Variants in CFAP299 observed in about 807,000 individuals in gnomAD.
CFAP299 encodes the protein cilia and flagella associated protein 299.
In CFAP299, 21 loss-of-function variants were observed where a neutral mutation model predicts 27.0. That is an observed-to-expected ratio of 0.78 (90% confidence interval 0.55 to 1.12). CFAP299 has a LOEUF of 1.12. Among genes scored for constraint, CFAP299 ranks in the 50% most tolerant of loss-of-function variants. CFAP299 has a pLI of 0.00. For synonymous variants in CFAP299, 104 were observed against 98.1 expected (o/e 1.06, Z -0.36); for missense variants, 310 against 276.6 (o/e 1.12, Z -0.86).
At chr4:80,324,461 T>C in the CFAP299 span, among the ~76,000 whole-genome samples, 6 of 152,206 alleles carry the variant, frequency 3.9e-5, no homozygotes, top group Non-Finnish European at 8.8e-5. Flanking sequence ...TTAAGCATGG[T>C]GCATTACACA....
intron 2 of CFAP299, among the ~76,000 whole-genome samples, chr4:80,371,389 A>T (rs767289471): frequency 6.6e-6 from 1 of 152,138 alleles, no homozygotes; most frequent in Non-Finnish European, 1.5e-5. Context: ...CTTTTTTGTT[A>T]TACAAATTTC....
At chr4:80,854,968 A>C (rs1361648510) in intron 3 of CFAP299, among the ~76,000 whole-genome samples, 2 of 152,148 alleles carry the variant, frequency 1.3e-5, no homozygotes, top group Non-Finnish European at 2.9e-5. Flanking sequence ...AATTTAATAA[A>C]GAGAAAAAAT....
intron 5 of CFAP299, among the ~76,000 whole-genome samples, chr4:80,947,076 G>A (rs1194411889): frequency 6.6e-5 from 10 of 152,244 alleles, no homozygotes; most frequent in East Asian, 5.8e-4. Context: ...AATGTGAACT[G>A]TTGCTTAAAC....
At chr4:80,864,529 C>T (rs553915856) in intron 3 of CFAP299, among the ~76,000 whole-genome samples, 48 of 145,604 alleles carry the variant, frequency 3.3e-4, no homozygotes, top group African/African-American at 9.8e-4. Context: ...CGTATATATA[C>T]ATATACGTAT....
chr4:80,810,727 G>A lies in CFAP299; in HGVS notation c.334-59266G>A, dbSNP rs190933317. ...CTACTGGCCTCAGGAACTGTGAGAT[G>A]ATAAATTTCTGTTGTTCTAAACCAC... On this transcript the variant is annotated intron_variant, in intron 3 of 5. Coordinates refer to ENST00000358105, the MANE Select transcript of CFAP299 (RefSeq NM_152770.3). 4.0e-3 allele frequency among the ~76,000 whole-genome samples: 611 copies of A among 152,194 alleles called. 3 individuals are homozygous for A. The highest frequency in any genetic ancestry group is 6.9e-3 in the Non-Finnish European group (467 of 67,996).
At chr4:80,891,830 G>GAAAAAAAAAAAAAAA (rs35425830) in intron 4 of CFAP299, among the ~76,000 whole-genome samples, 3 of 53,996 alleles carry the variant, frequency 5.6e-5, no homozygotes, top group African/African-American at 1.3e-4. Flanking sequence ...TAGATTAAAG[G>GAAAAAAAAAAAAAAA]AAAAAAAAAA....
intron 2 of CFAP299, among the ~76,000 whole-genome samples, chr4:80,409,208 A>G (rs537557211): frequency 2.0e-5 from 3 of 152,212 alleles, no homozygotes; most frequent in Non-Finnish European, 4.4e-5. Context: ...CTGGTTCCAA[A>G]TATTATTATT....
chr4:80,638,784 G>A (rs893189148), intron 3 of CFAP299, among the ~76,000 whole-genome samples: 1 of 152,174 alleles, frequency 6.6e-6, no homozygotes, highest in South Asian at 2.1e-4. Flanking sequence ...TAGGTTCAGC[G>A]AATATTTTAG....
At chr4:80,520,390 C>CTT (rs1732851669) in intron 2 of CFAP299, among the ~76,000 whole-genome samples, 1 of 152,154 alleles carries the variant, frequency 6.6e-6, no homozygotes, top group Non-Finnish European at 1.5e-5. Context: ...CTGTGATAAC[C>CTT]TTCTCTGACA....
chr4:80,396,098 A>G (rs910748870), intron 2 of CFAP299, among the ~76,000 whole-genome samples: 1 of 152,160 alleles, frequency 6.6e-6, no homozygotes, highest in Non-Finnish European at 1.5e-5. Flanking sequence ...CAAGTTTGTC[A>G]GCATTCTCAA....
At chr4:80,462,422 C>T (rs940338374) in intron 2 of CFAP299, among the ~76,000 whole-genome samples, 1 of 152,102 alleles carries the variant, frequency 6.6e-6, no homozygotes, top group Admixed American at 6.6e-5. Flanking sequence ...GCTGTTCTTG[C>T]TAACGTCAAC....
intron 2 of CFAP299, among the ~76,000 whole-genome samples, chr4:80,466,689 T>A (rs920974959): frequency 6.6e-6 from 1 of 152,184 alleles, no homozygotes; most frequent in African/African-American, 2.4e-5. Flanking sequence ...GCAAAAGCAG[T>A]ATTCTTCATC....
intron 2 of CFAP299, among the ~76,000 whole-genome samples, chr4:80,576,971 C>T (rs1266099381): frequency 2.0e-5 from 3 of 152,092 alleles, no homozygotes; most frequent in Non-Finnish European, 4.4e-5. Context: ...CAAGACCAGC[C>T]GACTCTGATT....
chr4:80,479,922 A>G (rs1185924973), intron 2 of CFAP299, among the ~76,000 whole-genome samples: 1 of 152,046 alleles, frequency 6.6e-6, no homozygotes, highest in Non-Finnish European at 1.5e-5. Flanking sequence ...CTCACAGCCT[A>G]TTACCATAAA....
At chr4:80,369,290 A>G (rs1724014457) in intron 2 of CFAP299, among the ~76,000 whole-genome samples, 1 of 152,234 alleles carries the variant, frequency 6.6e-6, no homozygotes, top group Non-Finnish European at 1.5e-5. Context: ...CAGCTCCTCC[A>G]GAGCATAAAG....
intron 2 of CFAP299, among the ~76,000 whole-genome samples, chr4:80,528,934 C>T (rs1460804433): frequency 6.6e-6 from 1 of 152,142 alleles, no homozygotes; most frequent in Non-Finnish European, 1.5e-5. Flanking sequence ...GCTACCTTTG[C>T]CACCTTGATG....
At chr4:80,382,508 A>G (rs951674771) in intron 2 of CFAP299, among the ~76,000 whole-genome samples, 2 of 152,214 alleles carry the variant, frequency 1.3e-5, no homozygotes, top group African/African-American at 4.8e-5. Flanking sequence ...AAACAAGCCC[A>G]TTAAAAAGTA....
intron 3 of CFAP299, among the ~76,000 whole-genome samples, chr4:80,848,645 C>T (rs1278418955): frequency 1.3e-5 from 2 of 151,990 alleles, no homozygotes; most frequent in African/African-American, 4.8e-5. Context: ...AGTGTGGTGG[C>T]ACTTGTCTAT....
chr4:80,532,997 T>C (rs1733551213), intron 2 of CFAP299, among the ~76,000 whole-genome samples: 1 of 152,212 alleles, frequency 6.6e-6, no homozygotes. Context: ...AACATCTTGA[T>C]AATTTATTGT....
Sources: gnomAD v4.1 joint callset for allele counts (sites outside exome capture counted in the v4.1 genomes callset) on GRCh38, gnomAD v4.1.1 for gene constraint, MANE v1.5 for transcripts, NCBI Gene and HGNC (gene_info 2026-07-23, HGNC 2026-07-21) for gene names.